SLC25A47: variants seen among roughly 807,000 people sequenced by gnomAD.
The protein encoded by SLC25A47 is HCC-down-regulated mitochondrial carrier protein.
SLC25A47 carries 30 observed loss-of-function variants against 29.8 expected under a neutral mutation model. The ratio of observed to expected loss-of-function variants is 1.01; its 90% CI spans 0.75 to 1.36. SLC25A47 has a LOEUF of 1.36. Ranked by LOEUF, SLC25A47 falls within the 40% of genes most tolerant of loss-of-function variation. The pLI, the probability that SLC25A47 is intolerant of heterozygous loss-of-function variation, is 0.00. For synonymous variants in SLC25A47, 204 were observed against 197.8 expected (o/e 1.03, Z -0.26); for missense variants, 430 against 441.9 (o/e 0.97, Z 0.24).
chr14:100,329,158 T>A, intron 5 of SLC25A47, 114 bp downstream of exon 5: 1 of 1,298,088 alleles, frequency 7.7e-7, no homozygotes, highest in Non-Finnish European at 1.0e-6. Flanking sequence ...GCCTCCTGCC[T>A]CCCAGAGTGG....
intron 4 of SLC25A47, 136 bp from the exon 5 acceptor site, chr14:100,328,590 G>C: frequency 1.1e-6 from 1 of 890,628 alleles, no homozygotes; most frequent in Non-Finnish European, 1.8e-6. Context: ...TGGCCCCCCA[G>C]CCCTGGGCCA....
rs1198368986 is a variant in SLC25A47, at chr14:100,330,319, TAAAG to T, written c.*676_*679del. On this transcript the variant is annotated 3_prime_UTR_variant, in exon 6 of 6. Coordinates refer to ENST00000361529, the MANE Select transcript of SLC25A47 (RefSeq NM_207117.4). ...GCCTGTGGACGCTGCACCTGCCACT[TAAAG>T]ACCCCAAAGACTCTGTTGGGAACTG... is the stretch of plus-strand genomic sequence containing the variant. 1.3e-5 allele frequency: 2 copies of T among 153,284 alleles called. No individual in the cohort carries two copies. The highest frequency in any genetic ancestry group is 2.4e-5 in the African/African-American group (1 of 41,466). The allele number at this position is 153,284 out of a possible 1,614,324, so 9.5% of individuals were successfully genotyped here.
rs779179117 is a variant in SLC25A47 at position 100,329,639 on chromosome 14, C to T, written c.921C>T (p.Leu307=). Residue 307 remains leucine (L), a synonymous_variant, in exon 6 of 6, where the codon CTC becomes CTT. Coordinates refer to ENST00000361529, the MANE Select transcript of SLC25A47 (RefSeq NM_207117.4). ...TGCTGAGGCTCGCCCGGGGTCTGCT[C>T]ACATAGCCGGTCCCCACGCCCAGCG... ...EAVLRLARGL[L]T 18 of 1,607,216 alleles carry T rather than the reference C, an allele frequency of 1.1e-5. No individual in the cohort carries two copies. Among genetic ancestry groups the T allele is most frequent in the Non-Finnish European group, 1.4e-5 (17 of 1,176,244 alleles).
At chr14:100,326,749 A>G (rs1815255) in intron 3 of SLC25A47, among the ~76,000 whole-genome samples, 145,522 of 152,286 alleles carry the variant, frequency 0.96, 69,872 homozygotes, top group East Asian at 1. Flanking sequence ...CGAAGCAGGC[A>G]GATCACCTGT....
chr14:100,327,275 C>A lies in SLC25A47; in HGVS notation c.232C>A (p.Leu78Met). The change falls in exon 4 of 6, where the codon CTG (leucine) becomes ATG (methionine). Residue 78 changes from leucine to methionine, a missense_variant. Physicochemically the swap from Leu to Met is conservative, Grantham distance 15. Coordinates refer to ENST00000361529, the MANE Select transcript of SLC25A47 (RefSeq NM_207117.4). Reference sequence around the variant, plus strand: ...GTCTTTTGGCACCTACCGCCACTGCCTGGCGCACATCTGCCGGCTCCGGTA... The same window carrying A: ...GTCTTTTGGCACCTACCGCCACTGCATGGCGCACATCTGCCGGCTCCGGTA... ...SVSFGTYRHC[L>M]AHICRLRYGN... 1 of 1,607,448 alleles carries A rather than the reference C, an allele frequency of 6.2e-7. No individual in the cohort carries two copies. The highest frequency in any genetic ancestry group is 8.5e-7 in the Non-Finnish European group (1 of 1,179,948).
Position 100,326,176 on chromosome 14 carries a change from C to G in SLC25A47, c.92C>G (p.Pro31Arg). 1 of 1,613,806 alleles carries G rather than the reference C, an allele frequency of 6.2e-7. No homozygotes were observed. Among genetic ancestry groups the G allele is most frequent in the Non-Finnish European group, 8.5e-7 (1 of 1,179,948 alleles). ...DTVKVRIQTE[P>R]KYTGIWHCVR... ...CTGCAGGTCAGGATCCAGACGGAGC[C>G]AAAGTACACAGGCATCTGGCACTGC... is the stretch of plus-strand genomic sequence containing the variant. The change falls in exon 3 of 6, where the codon CCA becomes CGA. Residue 31 changes from proline (P) to arginine (R), a missense_variant. Physicochemically the swap from Pro to Arg is moderately radical, Grantham distance 103. Transcript: ENST00000361529.
At chr14:100,325,343 G>A (rs1304423287) in intron 1 of SLC25A47, among the ~76,000 whole-genome samples, 5 of 152,106 alleles carry the variant, frequency 3.3e-5, no homozygotes, top group African/African-American at 2.4e-5. Context: ...TTCCACCCAC[G>A]CAGCCAAAAC....
rs969910465 is a variant in SLC25A47, at chr14:100,326,071, G to A, written c.73-86G>A. On this transcript the variant is annotated intron_variant, in intron 2 of 5. Coordinates refer to ENST00000361529, the MANE Select transcript of SLC25A47 (RefSeq NM_207117.4). ...CGTCCAGCATGGCTGGGACAATCAAGAGTGTGACTCTGCCCCTTCCCCAGG... is the reference window on the plus strand; with the variant it reads ...CGTCCAGCATGGCTGGGACAATCAAAAGTGTGACTCTGCCCCTTCCCCAGG... 69 of 1,218,654 alleles carry A rather than the reference G, an allele frequency of 5.7e-5. No individual in the cohort carries two copies. The African/African-American group carries it at 7.9e-4, about 14-fold the overall frequency. The allele number at this position is 1,218,654 out of a possible 1,614,324, so 75.5% of individuals were successfully genotyped here. A position where few individuals can be genotyped will look rare whatever the true frequency, so the allele number is the denominator to read the frequency against.
At chr14:100,328,451 T>G (rs898594953) in intron 4 of SLC25A47, among the ~76,000 whole-genome samples, 1 of 152,254 alleles carries the variant, frequency 6.6e-6, no homozygotes, top group Non-Finnish European at 1.5e-5. Flanking sequence ...AAATACGTTC[T>G]TGAACCTGGG....
intron 3 of SLC25A47, 82 bp downstream of exon 3, chr14:100,326,310 G>A (rs1893340104): frequency 7.8e-7 from 1 of 1,289,528 alleles, no homozygotes; most frequent in Non-Finnish European, 1.1e-6. Flanking sequence ...GTGATGCCAG[G>A]CTCCCCGCTG....
chr14:100,329,248 C>T (rs1458992754), intron 5 of SLC25A47, 117 bp from the exon 6 acceptor site: 3 of 1,324,166 alleles, frequency 2.3e-6, no homozygotes, highest in Non-Finnish European at 3.1e-6. Flanking sequence ...GGACAAGTCC[C>T]ATTCCCCTCT....
At chr14:100,324,280 A>C (rs1893299684) in intron 1 of SLC25A47, among the ~76,000 whole-genome samples, 2 of 151,734 alleles carry the variant, frequency 1.3e-5, no homozygotes, top group African/African-American at 4.8e-5. Context: ...GCTGAAATGC[A>C]CTGGCGTGAT....
intron 4 of SLC25A47, 40 bp downstream of exon 4, chr14:100,327,410 A>T: frequency 6.5e-7 from 1 of 1,547,272 alleles, no homozygotes; most frequent in African/African-American, 1.4e-5. Flanking sequence ...CCCAAGAGAG[A>T]CTGCGGGGTC....
rs1201236446 is a variant in SLC25A47 at position 100,325,700 on chromosome 14, C to T, written c.29-88C>T. 2.0e-5 allele frequency: 28 copies of T among 1,385,550 alleles called. No homozygotes were observed. The African/African-American group carries it at 2.6e-4, about 13-fold the overall frequency. The allele number at this position is 1,385,550 out of a possible 1,614,324, so 85.8% of individuals were successfully genotyped here. A position where few individuals can be genotyped will look rare whatever the true frequency, so the allele number is the denominator to read the frequency against. ...TCTGCCCTTGGGGGAGCCCAGTCAG[C>T]GTGCGCTCTGCTTCTGCTTCCCTGC... On this transcript the variant is annotated intron_variant, in intron 1 of 5. Coordinates refer to ENST00000361529, the MANE Select transcript of SLC25A47 (RefSeq NM_207117.4).
chr14:100,326,364 T>C, intron 3 of SLC25A47, 136 bp downstream of exon 3: 1 of 787,002 alleles, frequency 1.3e-6, no homozygotes, highest in Non-Finnish European at 2.1e-6. Flanking sequence ...GTTCTGCCAA[T>C]CTCATGGGTT....
At chr14:100,324,576 G>A (rs914711878) in intron 1 of SLC25A47, among the ~76,000 whole-genome samples, 1 of 152,170 alleles carries the variant, frequency 6.6e-6, no homozygotes, top group African/African-American at 2.4e-5. Context: ...GGGGCCAGCC[G>A]CTCCCTTCCT....
Position 100,329,910 on chromosome 14 carries a change from G to A in SLC25A47, c.*265G>A, listed in dbSNP as rs980017671. ...AGGAGTGGGCCTCTTTGATGAGAGC[G>A]TTGAGTTGCATGGAGTCGGTTGTTC... On this transcript the variant is annotated 3_prime_UTR_variant, in exon 6 of 6. Coordinates refer to ENST00000361529, the MANE Select transcript of SLC25A47 (RefSeq NM_207117.4). 7.5e-6 allele frequency: 4 copies of A among 536,722 alleles called. No individual in the cohort carries two copies. The highest frequency in any genetic ancestry group is 3.2e-5 in the East Asian group (1 of 31,444). The allele number at this position is 536,722 out of a possible 1,614,324, so 33.2% of individuals were successfully genotyped here.
At chr14:100,324,448 C>A (rs937631180) in intron 1 of SLC25A47, among the ~76,000 whole-genome samples, 4 of 152,216 alleles carry the variant, frequency 2.6e-5, no homozygotes, top group African/African-American at 9.7e-5. Context: ...TGGTCTCAAA[C>A]TCCTGACCTC....
Position 100,325,819 on chromosome 14 carries a change from G to A in SLC25A47, c.60G>A (p.Leu20=), listed in dbSNP as rs1271715172. 2 of 1,612,518 alleles carry A rather than the reference G, an allele frequency of 1.2e-6. No individual in the cohort carries two copies. The highest frequency in any genetic ancestry group is 1.7e-6 in the Non-Finnish European group (2 of 1,179,320). Residue 20 remains leucine (L), a synonymous_variant, in exon 2 of 6, where the codon CTG becomes CTA. Coordinates refer to ENST00000361529, the MANE Select transcript of SLC25A47 (RefSeq NM_207117.4). ...GVCGVAVGYP[L]DTVKVRIQTE... is the part of the protein sequence containing the mutation. The stretch of plus-strand genomic sequence containing the variant: ...GCGGTGTTGCTGTGGGCTACCCCCT[G>A]GACACGGTGAAGGTGCGGCAATAGC...
Sources: allele counts gnomAD v4.1 joint callset (sites outside exome capture counted in the v4.1 genomes callset), GRCh38; gene constraint gnomAD v4.1.1; transcripts MANE v1.5; gene names NCBI Gene and HGNC (gene_info 2026-07-23, HGNC 2026-07-21).